STK24: variants seen among roughly 807,000 people sequenced by gnomAD.
STK24 encodes serine/threonine kinase 24.
A neutral mutation model predicts 55.6 loss-of-function variants in STK24; 21 were observed. The ratio of observed to expected loss-of-function variants is 0.38; its 90% CI spans 0.27 to 0.54. The LOEUF (loss-of-function observed/expected upper bound fraction) is 0.54. STK24 is among the 20% of genes least tolerant of loss of function. The pLI is 0.79. For missense variants in STK24, 383 were observed against 538.4 expected (o/e 0.71, Z 2.86); for synonymous variants, 200 against 215.2 (o/e 0.93, Z 0.62).
intron 8 of STK24, 96 bp from the exon 9 acceptor site, chr13:98,460,536 A>C: frequency 1.0e-6 from 1 of 997,820 alleles, no homozygotes; most frequent in Non-Finnish European, 1.6e-6. Flanking sequence ...GAAGCGCAGG[A>C]GTTGCCTCTA....
intron 1 of STK24, among the ~76,000 whole-genome samples, chr13:98,549,770 G>A (rs1897116381): frequency 6.6e-6 from 1 of 152,152 alleles, no homozygotes. Context: ...AGCAACAGAA[G>A]AACAGCCTGA....
intron 1 of STK24, among the ~76,000 whole-genome samples, chr13:98,576,497 C>T (rs1897897145): frequency 6.6e-6 from 1 of 152,052 alleles, no homozygotes; most frequent in Admixed American, 6.5e-5. Flanking sequence ...GCGCCCGCAC[C>T]CCCACATCCG....
intron 1 of STK24, among the ~76,000 whole-genome samples, chr13:98,525,359 C>G (rs1479965593): frequency 6.6e-6 from 1 of 152,218 alleles, no homozygotes; most frequent in Non-Finnish European, 1.5e-5. Flanking sequence ...AAGCCTAAGC[C>G]AGGGCAAGGC....
In STK24 at chr13:98,463,829, G is replaced by A. The variant is rs1382540624; in HGVS notation, c.791C>T (p.Thr264Ile). ...CTTGTGCTTCAATAACTCCTTAGCAGTGGGTCTCTGGAAAAACACACCCAA... is the reference window on the plus strand; with the variant it reads ...CTTGTGCTTCAATAACTCCTTAGCAATGGGTCTCTGGAAAAACACACCCAA... Reference protein sequence around the residue: ...CLNKEPSFRPTAKELLKHKFI... With the variant: ...CLNKEPSFRPIAKELLKHKFI... The change falls in exon 7 of 11, where the codon ACT (threonine) becomes ATT (isoleucine). Residue 264 changes from threonine to isoleucine, a missense_variant. Transcript: ENST00000539966. The A allele has an allele frequency of 1.2e-6, 2 of 1,612,902 alleles. No homozygotes were observed. The highest frequency in any genetic ancestry group is 2.2e-5 in the South Asian group (2 of 90,832).
chr13:98,530,144 G>A (rs77070172), intron 1 of STK24, among the ~76,000 whole-genome samples: 1,596 of 152,020 alleles, frequency 0.01, 28 homozygotes, highest in African/African-American at 0.036. Context: ...GCTGTCAAGA[G>A]GACCAGACAT....
chr13:98,560,294 C>G (rs553886015), intron 1 of STK24, among the ~76,000 whole-genome samples: 3 of 152,298 alleles, frequency 2.0e-5, no homozygotes, highest in South Asian at 2.1e-4. Context: ...GCACCTTGTA[C>G]GGGATGAAAA....
chr13:98,501,093 CATT>C (rs1259344479), intron 2 of STK24, among the ~76,000 whole-genome samples: 3 of 152,180 alleles, frequency 2.0e-5, no homozygotes, highest in Non-Finnish European at 4.4e-5. Context: ...ATTTATATCA[CATT>C]ATTTACACCT....
chr13:98,500,076 C>T (rs1895393571), intron 2 of STK24, among the ~76,000 whole-genome samples: 1 of 152,224 alleles, frequency 6.6e-6, no homozygotes, highest in Non-Finnish European at 1.5e-5. Flanking sequence ...AGCTTCTTTT[C>T]TCTCAAATCC....
At chr13:98,499,938 C>T (rs1388944005) in intron 2 of STK24, among the ~76,000 whole-genome samples, 1 of 152,210 alleles carries the variant, frequency 6.6e-6, no homozygotes, top group Non-Finnish European at 1.5e-5. Context: ...AATCAGAACC[C>T]TTTAATCCCC....
chr13:98,511,676 C>T (rs1364426895), intron 2 of STK24, among the ~76,000 whole-genome samples: 4 of 152,116 alleles, frequency 2.6e-5, no homozygotes, highest in African/African-American at 4.8e-5. Context: ...AACTGAAAAA[C>T]GCCACTAACA....
chr13:98,536,752 G>A (rs1896747297), intron 1 of STK24, among the ~76,000 whole-genome samples: 1 of 152,106 alleles, frequency 6.6e-6, no homozygotes, highest in Admixed American at 6.5e-5. Flanking sequence ...CCCGGGAGCT[G>A]CCCTGACCTC....
intron 5 of STK24, among the ~76,000 whole-genome samples, chr13:98,470,537 A>C (rs1315894573): frequency 6.6e-6 from 1 of 152,266 alleles, no homozygotes; most frequent in African/African-American, 2.4e-5. Flanking sequence ...ATATGAAATT[A>C]GACATTAAGA....
chr13:98,510,711 C>A (rs145285026), intron 2 of STK24, among the ~76,000 whole-genome samples: 35 of 152,074 alleles, frequency 2.3e-4, no homozygotes, highest in Admixed American at 6.5e-5. Flanking sequence ...GTCCAGAATA[C>A]GCAAATCTAT....
At chr13:98,543,246 A>T (rs1372149961) in intron 1 of STK24, among the ~76,000 whole-genome samples, 3 of 152,158 alleles carry the variant, frequency 2.0e-5, no homozygotes, top group Non-Finnish European at 2.9e-5. Context: ...AATTCAACCA[A>T]TGTGCTCCCG....
intron 5 of STK24, among the ~76,000 whole-genome samples, chr13:98,469,951 T>C (rs1216987658): frequency 6.6e-6 from 1 of 152,198 alleles, no homozygotes; most frequent in African/African-American, 2.4e-5. Flanking sequence ...CATTTTAAAT[T>C]TGGAAAATGG....
chr13:98,575,074 T>C (rs1352623111), intron 1 of STK24, among the ~76,000 whole-genome samples: 17 of 152,238 alleles, frequency 1.1e-4, no homozygotes, highest in Non-Finnish European at 2.9e-5. Flanking sequence ...TAAAACTTTT[T>C]TTTTAAATCA....
intron 3 of STK24, among the ~76,000 whole-genome samples, chr13:98,477,847 C>T (rs1894435908): frequency 1.3e-5 from 2 of 152,090 alleles, no homozygotes; most frequent in South Asian, 4.2e-4. Flanking sequence ...CTGTCATTCC[C>T]AAAGGGCGCT....
chr13:98,515,208 T>C (rs527323885), intron 2 of STK24, among the ~76,000 whole-genome samples: 1 of 152,154 alleles, frequency 6.6e-6, no homozygotes, highest in African/African-American at 2.4e-5. Context: ...CCTGTTCTCG[T>C]TACAATTATA....
rs553607743 is a variant in STK24 at position 98,555,451 on chromosome 13, C to T, written c.42+21294G>A. On this transcript the variant is annotated intron_variant, in intron 1 of 10. Transcript: ENST00000539966. ...AAAATTAGCCAGGCATGGTGGCGGG[C>T]GCCTGTAGTCCCAGCTACTCGGGAG... Among the ~76,000 whole-genome samples, 4 of 151,822 alleles carry T rather than the reference C, an allele frequency of 2.6e-5. No homozygotes were observed. In the East Asian group the frequency reaches 6.0e-4, roughly 23 times the overall value.
Sources: allele counts gnomAD v4.1 joint callset (sites outside exome capture counted in the v4.1 genomes callset), GRCh38; gene constraint gnomAD v4.1.1; transcripts MANE v1.5; gene names NCBI Gene and HGNC (gene_info 2026-07-23, HGNC 2026-07-21).